Variants in NSD2 observed in about 807,000 individuals in gnomAD.
NSD2 encodes the protein nuclear receptor binding SET domain protein 2, also known as histone-lysine N-methyltransferase NSD2.
In NSD2, 12 loss-of-function variants were observed where a neutral mutation model predicts 139.0. The observed-to-expected ratio is 0.09, with a 90% CI of 0.06 to 0.14. The LOEUF is 0.14. NSD2 is among the 10% of genes least tolerant of loss of function. The pLI is 1.00. For missense variants in NSD2, 1,155 were observed against 1,745.0 expected, an observed-to-expected ratio of 0.66 and a Z score of 6.02; for synonymous variants, 669 against 648.7, an observed-to-expected ratio of 1.03 and a Z score of -0.48.
intron 1 of NSD2, among the ~76,000 whole-genome samples, chr4:1,881,423 C>T (rs896766174): frequency 2.0e-5 from 3 of 152,140 alleles, no homozygotes; most frequent in Admixed American, 6.5e-5. Flanking sequence ...CTGCCACGCC[C>T]GGTTGATTTT....
chr4:1,903,821 G>A (rs944249280), intron 2 of NSD2, among the ~76,000 whole-genome samples: 2 of 148,148 alleles, frequency 1.3e-5, no homozygotes, highest in Non-Finnish European at 3.0e-5. Flanking sequence ...TGCAAGCTCC[G>A]CCTCCCGGGT....
chr4:1,951,895 G>A, intron 10 of NSD2: 1 of 665,346 alleles, frequency 1.5e-6, no homozygotes, highest in Non-Finnish European at 2.4e-6. Context: ...CTGAGGACTG[G>A]CCTCTTTCTG....
At chr4:1,871,816 G>T (rs1279150068) in intron 1 of NSD2, among the ~76,000 whole-genome samples, 1 of 149,304 alleles carries the variant, frequency 6.7e-6, no homozygotes, top group East Asian at 2.0e-4. Flanking sequence ...CGCGGAGGCC[G>T]GGACGAGTCC....
intron 18 of NSD2, among the ~76,000 whole-genome samples, chr4:1,964,980 T>C (rs779121408): frequency 3.7e-5 from 5 of 133,974 alleles, no homozygotes; most frequent in Non-Finnish European, 7.7e-5. Flanking sequence ...ACAGCAAACC[T>C]AGGGCAAGGG....
intron 3 of NSD2, among the ~76,000 whole-genome samples, chr4:1,906,303 G>GT (rs1207502421): frequency 6.6e-6 from 1 of 152,026 alleles, no homozygotes; most frequent in African/African-American, 2.4e-5. Flanking sequence ...CAGTGGCGCA[G>GT]TCTTAGCTCA....
Position 1,955,519 on chromosome 4 carries a change from C to G in NSD2, c.2519-174C>G, listed in dbSNP as rs1407625463. ...TAATTGTAATCATTTCGCAAACATA[C>G]AGGAAATTATTTGTGGTGAAAATGA... On this transcript the variant is annotated intron_variant, in intron 13 of 21. Coordinates refer to ENST00000508803, the MANE Select transcript of NSD2 (RefSeq NM_001042424.3). The surrounding 1 kb of genome is among the most constrained non-coding windows in gnomAD (Gnocchi z 4.7). The G allele has an allele frequency of 4.4e-5, 54 of 1,226,376 alleles. No homozygotes were observed. Among genetic ancestry groups the G allele is most frequent in the Non-Finnish European group, 5.3e-5 (48 of 909,568 alleles). The allele number at this position is 1,226,376 out of a possible 1,614,324, so 76.0% of individuals were successfully genotyped here.
intron 3 of NSD2, among the ~76,000 whole-genome samples, chr4:1,914,845 C>G (rs1419793720): frequency 6.6e-6 from 1 of 152,100 alleles, no homozygotes; most frequent in East Asian, 1.9e-4. Context: ...TTCACCCAAC[C>G]CCCAGCAGCT....
In NSD2 at chr4:1,956,253, A is replaced by T; in HGVS notation, c.2881+65A>T. On this transcript the variant is annotated intron_variant, in intron 15 of 21. Transcript: ENST00000508803. This position sits in a 1 kb window ranked among gnomAD's most constrained non-coding sequence, Gnocchi z 5.3. ...GTGCATTTTCTTACCCCTAATTTCT[A>T]TTTTTTAAAATTTGATCTTTATAGA... 1 of 1,386,776 alleles carries T rather than the reference A, an allele frequency of 7.2e-7. No individual in the cohort carries two copies. The highest frequency in any genetic ancestry group is 1.5e-5 in the South Asian group (1 of 66,154). 85.9% of individuals were successfully genotyped at this position (1,386,776 alleles called of 1,614,324 possible).
At chr4:1,941,782 T>G in intron 9 of NSD2, 2 of 1,050,244 alleles carry the variant, frequency 1.9e-6, no homozygotes, top group Middle Eastern at 8.7e-4. Flanking sequence ...TATAGAATTA[T>G]GCTGTTAAAA....
intron 3 of NSD2, among the ~76,000 whole-genome samples, chr4:1,915,139 G>T (rs562586150): frequency 3.8e-4 from 43 of 113,404 alleles, no homozygotes; most frequent in African/African-American, 1.4e-3. Flanking sequence ...TTTTTGAGAC[G>T]GAGTCTGGCT....
At chr4:1,901,308 C>A (rs947636876) in intron 2 of NSD2, 57 bp downstream of exon 2, 35 of 1,433,494 alleles carry the variant, frequency 2.4e-5, no homozygotes, top group Non-Finnish European at 2.7e-5. Context: ...AGCATGGCCA[C>A]CCTATGAGGG....
intron 18 of NSD2, among the ~76,000 whole-genome samples, chr4:1,966,537 A>T (rs993346312): frequency 3.9e-5 from 6 of 151,938 alleles, no homozygotes; most frequent in African/African-American, 1.5e-4. Context: ...GGCGCCTGTA[A>T]TCCCAGCTAC....
At chr4:1,899,038 G>T (rs530161011) in intron 1 of NSD2, among the ~76,000 whole-genome samples, 2 of 152,282 alleles carry the variant, frequency 1.3e-5, no homozygotes, top group South Asian at 4.1e-4. Context: ...CAGTTGGTAT[G>T]ATATGAGCTG....
At position 1,947,339 on chromosome 4, in the gene NSD2, T is replaced by C. The variant is rs796753925; in HGVS notation, c.1882-3733T>C. On this transcript the variant is annotated intron_variant, in intron 9 of 21. Coordinates refer to ENST00000508803, the MANE Select transcript of NSD2 (RefSeq NM_001042424.3). Reference sequence around the variant, plus strand: ...GTGACACTTGGTCCTTGCTGCCACCTGCTTGGGGCTATGTGGCTACGGCTA... The same window carrying C: ...GTGACACTTGGTCCTTGCTGCCACCCGCTTGGGGCTATGTGGCTACGGCTA... 6 of 1,062,002 alleles carry C rather than the reference T, an allele frequency of 5.6e-6. No homozygotes were observed. In the African/African-American group the frequency reaches 8.2e-5, roughly 15 times the overall value. 65.8% of individuals were successfully genotyped at this position (1,062,002 alleles called of 1,614,324 possible). A position where few individuals can be genotyped will look rare whatever the true frequency, so the allele number is the denominator to read the frequency against.
At chr4:1,917,177 C>A in intron 4 of NSD2, 140 bp downstream of exon 4, 4 of 939,856 alleles carry the variant, frequency 4.3e-6, no homozygotes, top group Middle Eastern at 3.5e-4. Flanking sequence ...GACTTTTGCC[C>A]AAGGATGCCA....
intron 1 of NSD2, among the ~76,000 whole-genome samples, chr4:1,888,809 A>G (rs1715313206): frequency 6.6e-6 from 1 of 151,658 alleles, no homozygotes; most frequent in African/African-American, 2.4e-5. Flanking sequence ...CAAGTGATCC[A>G]CCGGCCTCGG....
chr4:1,874,885 G>T (rs1412142253), intron 1 of NSD2, among the ~76,000 whole-genome samples: 1 of 152,216 alleles, frequency 6.6e-6, no homozygotes, highest in Admixed American at 6.5e-5. Flanking sequence ...GTTATTTACA[G>T]CGAGTACTTT....
intron 1 of NSD2, among the ~76,000 whole-genome samples, chr4:1,881,964 G>T (rs1310398610): frequency 6.6e-6 from 1 of 152,218 alleles, no homozygotes; most frequent in African/African-American, 2.4e-5. Flanking sequence ...AGAAGCTGGT[G>T]TGGCTGGAGC....
rs1417776116 is a variant in NSD2, at chr4:1,974,022, T to A, written c.3373-841T>A. Among the ~76,000 whole-genome samples, 1 of 152,094 alleles carries A rather than the reference T, an allele frequency of 6.6e-6. No individual in the cohort carries two copies. The highest frequency in any genetic ancestry group is 1.5e-5 in the Non-Finnish European group (1 of 68,018). On this transcript the variant is annotated intron_variant, in intron 18 of 21. Coordinates refer to ENST00000508803, the MANE Select transcript of NSD2 (RefSeq NM_001042424.3). The surrounding 1 kb of genome is among the most constrained non-coding windows in gnomAD (Gnocchi z 4.0). ...TTGCATTTGTGATTCCCGTGGCCCT[T>A]ATCAGGTTGCTGCCTCGAAAGCCTT...
Sources: allele counts gnomAD v4.1 joint callset (sites outside exome capture counted in the v4.1 genomes callset), GRCh38; gene constraint gnomAD v4.1.1; non-coding constraint Gnocchi (gnomAD v3.1); transcripts MANE v1.5; gene names NCBI Gene and HGNC (gene_info 2026-07-23, HGNC 2026-07-21).